ECE1: variants seen among roughly 807,000 people sequenced by gnomAD.
ECE1 encodes endothelin converting enzyme 1.
Under a neutral mutation model 98.6 loss-of-function variants are expected in ECE1, and 35 were observed. The ratio of observed to expected loss-of-function variants is 0.35; its 90% CI spans 0.27 to 0.47. The LOEUF is 0.47. ECE1 is among the 20% of genes least tolerant of loss of function. ECE1 has a pLI of 1.00. For missense variants in ECE1, 814 were observed against 1,025.3 expected, an observed-to-expected ratio of 0.79 and a Z score of 2.81; for synonymous variants, 394 against 407.1, an observed-to-expected ratio of 0.97 and a Z score of 0.39.
At chr1:21,249,095 C>T (rs2098208342) in intron 8 of ECE1, among the ~76,000 whole-genome samples, 1 of 152,032 alleles carries the variant, frequency 6.6e-6, no homozygotes, top group Non-Finnish European at 1.5e-5. Context: ...AATTGTGGTA[C>T]CCTTTGGAAG....
chr1:21,345,301 GC>G lies in ECE1; in HGVS notation c.3+74del. ...CCCGCGAGCCAGGGCGGCCCCGGGT[GC>G]CACCCGCGGCACCGCTGCCCGCGAC... On this transcript the variant is annotated intron_variant, in intron 1 of 18. Coordinates refer to the ECE1 transcript ENST00000415912. This position sits in a 1 kb window ranked among gnomAD's most constrained non-coding sequence, Gnocchi z 5.1. The G allele has an allele frequency of 7.6e-7, 1 of 1,319,536 alleles. No homozygotes were observed. The highest frequency in any genetic ancestry group is 1.9e-5 in the South Asian group (1 of 53,174). 81.7% of individuals were successfully genotyped at this position (1,319,536 alleles called of 1,614,324 possible). A position where few individuals can be genotyped will look rare whatever the true frequency, so the allele number is the denominator to read the frequency against.
intron 2 of ECE1, among the ~76,000 whole-genome samples, chr1:21,288,890 C>T (rs2098263420): frequency 6.7e-6 from 1 of 149,630 alleles, no homozygotes; most frequent in Admixed American, 6.7e-5. Flanking sequence ...GTAATCCCTA[C>T]AGGTCTCAGG....
At chr1:21,315,557 G>T (rs1346489877) in intron 1 of ECE1, among the ~76,000 whole-genome samples, 1 of 152,140 alleles carries the variant, frequency 6.6e-6, no homozygotes, top group Non-Finnish European at 1.5e-5. Context: ...ACTTTGGGAG[G>T]CCAAGGCAGG....
intron 8 of ECE1, among the ~76,000 whole-genome samples, chr1:21,250,923 C>T (rs2098211937): frequency 6.6e-6 from 1 of 152,130 alleles, no homozygotes; most frequent in South Asian, 2.1e-4. Context: ...AGGAGAATGG[C>T]ATGAACCCGG....
intron 1 of ECE1, among the ~76,000 whole-genome samples, chr1:21,331,317 T>A (rs1242056188): frequency 3.9e-5 from 6 of 152,004 alleles, no homozygotes. Context: ...GGCAGAGGAA[T>A]CGCTTGAACC....
intron 10 of ECE1, among the ~76,000 whole-genome samples, chr1:21,239,082 C>T (rs933015017): frequency 3.9e-5 from 6 of 152,032 alleles, no homozygotes; most frequent in Non-Finnish European, 4.4e-5. Context: ...ATCCACCTGC[C>T]TTGACTTCCC....
chr1:21,276,099 C>T (rs1419643127), intron 3 of ECE1, among the ~76,000 whole-genome samples: 3 of 140,068 alleles, frequency 2.1e-5, no homozygotes, highest in East Asian at 2.1e-4. Context: ...AATCTCGACT[C>T]GCTGCAACCT....
Position 21,290,307 on chromosome 1 carries a change from G to GC in ECE1, c.51+56dup. 8.1e-7 allele frequency: 1 copy of GC among 1,236,428 alleles called. No homozygotes were observed. The highest frequency in any genetic ancestry group is 4.3e-5 in the Admixed American group (1 of 23,404). The allele number at this position is 1,236,428 out of a possible 1,614,324, so 76.6% of individuals were successfully genotyped here. On this transcript the variant is annotated intron_variant, in intron 1 of 18. Transcript: ENST00000374893. This position sits in a 1 kb window ranked among gnomAD's most constrained non-coding sequence, Gnocchi z 7.3. ...GAGACCGGCCCACGGAGCGGCCCGC[G>GC]CGGGGAGGGGTCCCGCCCGCCTCCC...
chr1:21,292,098 G>A (rs2098267083), upstream of ECE1, among the ~76,000 whole-genome samples: 1 of 152,024 alleles, frequency 6.6e-6, no homozygotes, highest in African/African-American at 2.4e-5. Flanking sequence ...GGCGGCTACA[G>A]TGAGCTGTGA....
Position 21,245,042 on chromosome 1 carries a change from G to A in ECE1, c.1225C>T (p.Arg409Cys), listed in dbSNP as rs1475764621. 3 of 1,614,092 alleles carry A rather than the reference G, an allele frequency of 1.9e-6. No individual in the cohort carries two copies. The highest frequency in any genetic ancestry group is 2.5e-6 in the Non-Finnish European group (3 of 1,180,050). ...VRKTSSFLDQRFQDADEKFME... is the reference protein window; with the variant it reads ...VRKTSSFLDQCFQDADEKFME... ...AACTTCTCATCGGCGTCCTGAAAGC[G>A]CTGGTCAAGGAAGGAGCTTGTTTTC... is the stretch of plus-strand genomic sequence containing the variant. Residue 409 changes from arginine (R) to cysteine (C), a missense_variant, in exon 10 of 19, where the codon CGC becomes TGC. Physicochemically the swap from Arg to Cys is radical, Grantham distance 180 (BLOSUM62 -3). This residue lies in a region of ECE1 where 452 missense variants were observed against 567.3 expected (regional missense o/e 0.80). Transcript: ENST00000374893.
chr1:21,252,501 C>T (rs2098214115), intron 8 of ECE1, among the ~76,000 whole-genome samples: 1 of 152,220 alleles, frequency 6.6e-6, no homozygotes, highest in Non-Finnish European at 1.5e-5. Context: ...TGCTTCTGAG[C>T]TTCATCTCAG....
At chr1:21,335,326 G>A (rs889985436) in intron 1 of ECE1, among the ~76,000 whole-genome samples, 3 of 152,112 alleles carry the variant, frequency 2.0e-5, no homozygotes, top group African/African-American at 4.8e-5. Flanking sequence ...CTCTCGGAGC[G>A]ATCCTTCTGG....
rs2098184263 is a variant in ECE1, at chr1:21,233,464, T to G, written c.1670+94A>C. On this transcript the variant is annotated intron_variant, in intron 14 of 18. Coordinates refer to ENST00000374893, the MANE Select transcript of ECE1 (RefSeq NM_001397.3). This position sits in a 1 kb window ranked among gnomAD's most constrained non-coding sequence, Gnocchi z 4.0. The stretch of plus-strand genomic sequence containing the variant: ...ACGGCTCTCGTGATAGCTGATCGGG[T>G]GCACAGTGAGGGTGCAATGAAGGCC... 1 of 1,107,140 alleles carries G rather than the reference T, an allele frequency of 9.0e-7. No individual in the cohort carries two copies. The highest frequency in any genetic ancestry group is 1.4e-6 in the Non-Finnish European group (1 of 737,984). 68.6% of individuals were successfully genotyped at this position (1,107,140 alleles called of 1,614,324 possible).
intron 8 of ECE1, among the ~76,000 whole-genome samples, chr1:21,255,413 C>A (rs187778126): frequency 1.3e-5 from 2 of 152,318 alleles, no homozygotes; most frequent in African/African-American, 2.4e-5. Context: ...AGAGGCTGAG[C>A]CCTTGGACGT....
intron 10 of ECE1, among the ~76,000 whole-genome samples, chr1:21,241,297 A>G (rs1382854964): frequency 1.3e-5 from 2 of 151,932 alleles, no homozygotes; most frequent in East Asian, 3.9e-4. Flanking sequence ...CAGCCTCCCA[A>G]AGTGCTAGGA....
intron 1 of ECE1, among the ~76,000 whole-genome samples, chr1:21,329,305 A>G (rs1196522772): frequency 6.6e-6 from 1 of 152,218 alleles, no homozygotes; most frequent in African/African-American, 2.4e-5. Context: ...ACTGAAATCA[A>G]TGCAACCTTA....
At chr1:21,328,366 A>G (rs1323625293) in intron 1 of ECE1, among the ~76,000 whole-genome samples, 1 of 152,088 alleles carries the variant, frequency 6.6e-6, no homozygotes, top group Non-Finnish European at 1.5e-5. Context: ...ACCATTCTAG[A>G]CCTTGTGCCT....
At chr1:21,321,180 T>C (rs563678097) in intron 1 of ECE1, among the ~76,000 whole-genome samples, 1 of 152,168 alleles carries the variant, frequency 6.6e-6, no homozygotes, top group Non-Finnish European at 1.5e-5. Flanking sequence ...AAACCCAGGT[T>C]GCTCTGACTC....
At chr1:21,306,900 A>G (rs773349106) in intron 1 of ECE1, among the ~76,000 whole-genome samples, 5 of 152,082 alleles carry the variant, frequency 3.3e-5, no homozygotes, top group Admixed American at 6.5e-5. Context: ...CAGATGAACT[A>G]ACTGAGGCCC....
Sources: allele counts gnomAD v4.1 joint callset (sites outside exome capture counted in the v4.1 genomes callset), GRCh38; gene constraint gnomAD v4.1.1; regional missense constraint gnomAD v4.1.1; non-coding constraint Gnocchi (gnomAD v3.1); transcripts MANE v1.5; gene names NCBI Gene and HGNC (gene_info 2026-07-23, HGNC 2026-07-21).